The following RBFOX2 variants were observed in gnomAD, a reference collection of about 807,000 sequenced individuals.
The protein encoded by RBFOX2 is RNA binding protein fox-1 homolog 2.
Under a neutral mutation model 49.1 loss-of-function variants are expected in RBFOX2, and 10 were observed. The observed-to-expected ratio is 0.20, with a 90% confidence interval of 0.13 to 0.35. The LOEUF (loss-of-function observed/expected upper bound fraction) is 0.35, where lower values mean the gene tolerates loss of function less well. RBFOX2 is among the 10% of genes least tolerant of loss of function. The pLI is 1.00. For synonymous variants in RBFOX2, 183 were observed against 187.4 expected (o/e 0.98, Z 0.19); for missense variants, 323 against 486.9 (o/e 0.66, Z 3.17).
chr22:35,800,950 G>A (rs1012610317), intron 2 of RBFOX2, among the ~76,000 whole-genome samples: 1 of 152,192 alleles, frequency 6.6e-6, no homozygotes. Flanking sequence ...CTTTTCAGCA[G>A]AGATAAGACT....
chr22:35,881,883 C>T (rs1447963228), intron 1 of RBFOX2, among the ~76,000 whole-genome samples: 5 of 150,374 alleles, frequency 3.3e-5, no homozygotes, highest in Admixed American at 2.0e-4. Context: ...TGCTTGAACC[C>T]GGGAGGCAGA....
At chr22:35,959,235 G>A (rs905261317) in intron 1 of RBFOX2, among the ~76,000 whole-genome samples, 1 of 152,204 alleles carries the variant, frequency 6.6e-6, no homozygotes, top group Admixed American at 6.5e-5. Context: ...ATCAGGTGAG[G>A]AGAGTCAGAC....
chr22:35,748,082 T>A (rs1045491050), intron 9 of RBFOX2: 2 of 152,210 alleles, frequency 1.3e-5, no homozygotes, highest in Admixed American at 6.5e-5. Context: ...CCTTATATAA[T>A]TTATGCTTTC....
intron 1 of RBFOX2, among the ~76,000 whole-genome samples, chr22:35,944,307 T>C (rs1189773046): frequency 6.6e-6 from 1 of 152,326 alleles, no homozygotes. Context: ...GTTGAATTGA[T>C]ACATGCTGAA....
At chr22:35,826,784 A>C (rs1050025276) in intron 1 of RBFOX2, among the ~76,000 whole-genome samples, 6 of 152,236 alleles carry the variant, frequency 3.9e-5, no homozygotes, top group Non-Finnish European at 8.8e-5. Flanking sequence ...AGTTTAACTT[A>C]ACAAATCAGG....
chr22:35,800,635 C>T (rs1949599327), intron 2 of RBFOX2, among the ~76,000 whole-genome samples: 1 of 152,124 alleles, frequency 6.6e-6, no homozygotes, highest in Non-Finnish European at 1.5e-5. Flanking sequence ...CAGATCAATG[C>T]TGTATTCACC....
chr22:36,020,529 A>G (rs1162424580), intron 1 of RBFOX2, among the ~76,000 whole-genome samples: 1 of 152,250 alleles, frequency 6.6e-6, no homozygotes, highest in African/African-American at 2.4e-5. Context: ...CAGAATCTAC[A>G]ATGAACTCAA....
At chr22:35,839,114 C>T (rs559954901) in intron 1 of RBFOX2, among the ~76,000 whole-genome samples, 54 of 152,266 alleles carry the variant, frequency 3.5e-4, no homozygotes, top group African/African-American at 1.2e-3. Flanking sequence ...AGCATAGAAA[C>T]CTGGAGTGAA....
At chr22:35,820,160 G>C (rs532465465) in intron 1 of RBFOX2, among the ~76,000 whole-genome samples, 1 of 152,262 alleles carries the variant, frequency 6.6e-6, no homozygotes, top group East Asian at 1.9e-4. Context: ...CCACTGCAGG[G>C]AGGTTAGCTT....
At chr22:36,012,751 A>G (rs895086449) in intron 1 of RBFOX2, among the ~76,000 whole-genome samples, 1 of 151,976 alleles carries the variant, frequency 6.6e-6, no homozygotes, top group African/African-American at 2.4e-5. Flanking sequence ...TTCAACAAAC[A>G]TTTATCAGTT....
At chr22:35,870,338 C>G (rs1400538018) in intron 1 of RBFOX2, among the ~76,000 whole-genome samples, 13 of 152,050 alleles carry the variant, frequency 8.5e-5, no homozygotes, top group Admixed American at 8.5e-4. Context: ...GAAATCCCAT[C>G]TCTACTAAAA....
intron 6 of RBFOX2, 53 bp from the exon 8 acceptor site, chr22:35,761,521 T>C (rs1938864443): frequency 2.5e-6 from 4 of 1,589,872 alleles, no homozygotes; most frequent in Non-Finnish European, 3.5e-6. Context: ...AGGAAAGGGA[T>C]GATCAGTGCA....
At chr22:35,991,086 C>T (rs1468398958) in intron 1 of RBFOX2, among the ~76,000 whole-genome samples, 2 of 151,816 alleles carry the variant, frequency 1.3e-5, no homozygotes, top group Admixed American at 1.3e-4. Flanking sequence ...ACAGAGAGAC[C>T]CCATCTCTAA....
chr22:35,930,017 C>CTTTTTT (rs58976136), intron 1 of RBFOX2, among the ~76,000 whole-genome samples: 3 of 121,322 alleles, frequency 2.5e-5, no homozygotes, highest in Admixed American at 8.3e-5. Flanking sequence ...CTTAATAGAA[C>CTTTTTT]TTTTTTTTTT....
intron 2 of RBFOX2, among the ~76,000 whole-genome samples, chr22:35,807,082 G>A (rs1209022419): frequency 6.6e-6 from 1 of 152,180 alleles, no homozygotes; most frequent in Non-Finnish European, 1.5e-5. Flanking sequence ...GGGATTACAG[G>A]CGTGAGCCAC....
intron 4 of RBFOX2, 40 bp from the exon 6 acceptor site, chr22:35,768,389 T>TTA: frequency 6.6e-7 from 1 of 1,525,432 alleles, no homozygotes; most frequent in Non-Finnish European, 9.1e-7. Context: ...ATGCACATCG[T>TTA]TATATTGAAA....
At position 35,823,107 on chromosome 22, in the gene RBFOX2, C is replaced by A. The variant is rs555272097; in HGVS notation, c.28-13103G>T. Reference sequence around the variant, plus strand: ...AAGTGCTGAGATTACAGGCATGAGCCACCGCATCCGGCCTTGTTTTTCCTT... The same window carrying A: ...AAGTGCTGAGATTACAGGCATGAGCAACCGCATCCGGCCTTGTTTTTCCTT... On this transcript the variant is annotated intron_variant, in intron 1 of 11. Coordinates refer to ENST00000405409, the Ensembl canonical transcript of RBFOX2. 8.5e-5 allele frequency among the ~76,000 whole-genome samples: 13 copies of A among 152,310 alleles called. No individual in the cohort carries two copies. The South Asian group carries it at 2.5e-3, about 29-fold the overall frequency.
At chr22:35,925,679 T>G (rs986646123) in intron 1 of RBFOX2, among the ~76,000 whole-genome samples, 4 of 152,170 alleles carry the variant, frequency 2.6e-5, no homozygotes, top group African/African-American at 9.7e-5. Context: ...ATAGTGTAAG[T>G]AAAGGAATTA....
chr22:35,958,442 T>C (rs1368361127), intron 1 of RBFOX2, among the ~76,000 whole-genome samples: 1 of 152,224 alleles, frequency 6.6e-6, no homozygotes. Context: ...CAATCCTGCC[T>C]ATCCCTAAGT....
Sources: allele counts gnomAD v4.1 joint callset (sites outside exome capture counted in the v4.1 genomes callset), GRCh38; gene constraint gnomAD v4.1.1; transcripts MANE v1.5; gene names NCBI Gene and HGNC (gene_info 2026-07-23, HGNC 2026-07-21).